Variants in CFAP210 observed in about 807,000 individuals in gnomAD.
CFAP210 encodes the protein cilia- and flagella- associated protein 210.
chr2:169,673,720 G>A, the CFAP210 span, among the ~76,000 whole-genome samples: 1 of 152,178 alleles, frequency 6.6e-6, no homozygotes, highest in Non-Finnish European at 1.5e-5. Flanking sequence ...ATGACTGCCA[G>A]AGGCTGGGAA....
chr2:169,674,160 C>A, the CFAP210 span, among the ~76,000 whole-genome samples: 1 of 152,100 alleles, frequency 6.6e-6, no homozygotes, highest in Non-Finnish European at 1.5e-5. Context: ...TCTATCAATA[C>A]CATGTGAAAA....
the CFAP210 span, among the ~76,000 whole-genome samples, chr2:169,690,679 A>T: frequency 6.6e-6 from 1 of 151,738 alleles, no homozygotes; most frequent in Non-Finnish European, 1.5e-5. Flanking sequence ...AAAAAAAAAA[A>T]GAATTCTTGA....
the CFAP210 span, among the ~76,000 whole-genome samples, chr2:169,678,402 G>A: frequency 0.028 from 4,109 of 148,308 alleles, 78 homozygotes; most frequent in East Asian, 0.11. Context: ...CAAATAGAGA[G>A]AATATGTTCA....
At chr2:169,678,657 T>TCTA in the CFAP210 span, among the ~76,000 whole-genome samples, 1 of 151,846 alleles carries the variant, frequency 6.6e-6, no homozygotes, top group African/African-American at 2.4e-5. Flanking sequence ...AAACCCAGTC[T>TCTA]CTACTAAAAA....
At chr2:169,658,793 T>C in the CFAP210 span, 2 of 289,192 alleles carry the variant, frequency 6.9e-6, no homozygotes, top group African/African-American at 2.2e-5. Context: ...GGAGAGCATT[T>C]AGAAGATATT....
At chr2:169,652,830 C>T in the CFAP210 span, among the ~76,000 whole-genome samples, 1 of 147,552 alleles carries the variant, frequency 6.8e-6, no homozygotes, top group African/African-American at 2.5e-5. Flanking sequence ...CCCGTCTCTA[C>T]TAAAAATTAC....
At chr2:169,669,761 C>T in the CFAP210 span, among the ~76,000 whole-genome samples, 9 of 140,778 alleles carry the variant, frequency 6.4e-5, no homozygotes, top group South Asian at 2.3e-4. Flanking sequence ...GGCGACACAG[C>T]GAGACTCCGT....
At chr2:169,656,385 G>A in the CFAP210 span, among the ~76,000 whole-genome samples, 1 of 96,080 alleles carries the variant, frequency 1.0e-5, no homozygotes, top group South Asian at 3.2e-4. Flanking sequence ...GGAAAGAGGA[G>A]GAAGAGGAGG....
chr2:169,690,663 CAAA>C, the CFAP210 span, among the ~76,000 whole-genome samples: 4 of 106,144 alleles, frequency 3.8e-5, no homozygotes, highest in African/African-American at 3.3e-5. Context: ...GACTCTGTCT[CAAA>C]AAAAAAAAAA....
chr2:169,689,730 A>T, the CFAP210 span, among the ~76,000 whole-genome samples: 4 of 152,170 alleles, frequency 2.6e-5, no homozygotes, highest in Non-Finnish European at 5.9e-5. Context: ...GATGTTAGCT[A>T]TGGGCTTTTC....
the CFAP210 span, among the ~76,000 whole-genome samples, chr2:169,647,851 C>T: frequency 3.5e-4 from 53 of 152,080 alleles, no homozygotes; most frequent in African/African-American, 1.2e-3. Flanking sequence ...AACCCAACAA[C>T]AAAAAATCCA....
At chr2:169,691,652 A>G in the CFAP210 span, among the ~76,000 whole-genome samples, 14 of 152,332 alleles carry the variant, frequency 9.2e-5, no homozygotes, top group East Asian at 1.7e-3. Flanking sequence ...GACACTTTCT[A>G]TTGAAACCTT....
chr2:169,645,991 A>G, the CFAP210 span: 2 of 1,613,914 alleles, frequency 1.2e-6, no homozygotes, highest in Non-Finnish European at 1.7e-6. Context: ...GTCCACGGCC[A>G]CCTCCAGGTC....
chr2:169,657,750 G>T, the CFAP210 span, among the ~76,000 whole-genome samples: 1 of 151,796 alleles, frequency 6.6e-6, no homozygotes, highest in Non-Finnish European at 1.5e-5. Flanking sequence ...AAATAAGAAA[G>T]AAAAGTAAAA....
the CFAP210 span, among the ~76,000 whole-genome samples, chr2:169,667,656 G>A: frequency 5.6e-4 from 85 of 152,140 alleles, no homozygotes; most frequent in South Asian, 2.7e-3. Context: ...TTAATCTCTT[G>A]TATATCTCCA....
the CFAP210 span, chr2:169,654,232 A>C: frequency 1.3e-6 from 2 of 1,545,610 alleles, no homozygotes; most frequent in Admixed American, 2.1e-5. Context: ...GAAAAATTGT[A>C]TATATTAACT....
the CFAP210 span, among the ~76,000 whole-genome samples, chr2:169,650,734 C>CTGTGTGTGTGTGTGTGTG: frequency 1.2e-3 from 181 of 147,216 alleles, no homozygotes; most frequent in Middle Eastern, 3.4e-3. Context: ...TATGTATAAT[C>CTGTGTGTGTGTGTGTGTG]TGTGTGTGTG....
chr2:169,682,752 T>A, the CFAP210 span, among the ~76,000 whole-genome samples: 75 of 151,924 alleles, frequency 4.9e-4, no homozygotes, highest in Middle Eastern at 6.8e-3. Flanking sequence ...GACAGCAGAG[T>A]GGGTAAGAGT....
At chr2:169,654,038 C>T in the CFAP210 span, 2 of 1,541,276 alleles carry the variant, frequency 1.3e-6, no homozygotes, top group Non-Finnish European at 8.8e-7. Flanking sequence ...ATAATAATTT[C>T]AGATAGTACT....
Sources: allele counts gnomAD v4.1 joint callset (sites outside exome capture counted in the v4.1 genomes callset), GRCh38; gene constraint gnomAD v4.1.1; transcripts MANE v1.5; gene names NCBI Gene and HGNC (gene_info 2026-07-23, HGNC 2026-07-21).